Variants in NBEAL2 observed in about 807,000 individuals in gnomAD.
NBEAL2 encodes neurobeachin like 2.
Under a neutral mutation model 299.8 loss-of-function variants are expected in NBEAL2, and 160 were observed. That is an observed-to-expected ratio of 0.53 (90% CI 0.47 to 0.61). The LOEUF (loss-of-function observed/expected upper bound fraction) is 0.61, where lower values mean the gene tolerates loss of function less well. NBEAL2 is among the 20% of genes least tolerant of loss of function. The probability of loss-of-function intolerance (pLI) is 0.00; values close to 1 mark genes in which losing one functional copy is unlikely to be tolerated. For synonymous variants in NBEAL2, 1,493 were observed against 1,542.3 expected (o/e 0.97, Z 0.75); for missense variants, 3,112 against 3,649.0 (o/e 0.85, Z 3.79).
rs900010541 is a variant in NBEAL2 at position 46,988,764 on chromosome 3, C to T, written c.140+7C>T. 1.2e-6 allele frequency: 2 copies of T among 1,612,672 alleles called. No homozygotes were observed. Among genetic ancestry groups the T allele is most frequent in the Non-Finnish European group, 1.7e-6 (2 of 1,178,976 alleles). On this transcript the variant is annotated splice_region_variant and intron_variant, in intron 2 of 53. Transcript: ENST00000450053. The surrounding 1 kb of genome is among the most constrained non-coding windows in gnomAD (Gnocchi z 4.4). ...CCTCTCTGGAGCCACGAAGGTGAGGCTGGATCTGCACTGAGGGCAGGGACA... is the reference window on the plus strand; with the variant it reads ...CCTCTCTGGAGCCACGAAGGTGAGGTTGGATCTGCACTGAGGGCAGGGACA...
At chr3:46,999,740 G>C in intron 26 of NBEAL2, 25 bp downstream of exon 26, 1 of 1,603,880 alleles carries the variant, frequency 6.2e-7, no homozygotes. Flanking sequence ...TAAAAGCTTT[G>C]GGGGAGGGGG....
intron 1 of NBEAL2, among the ~76,000 whole-genome samples, 155 bp downstream of exon 1, chr3:46,980,067 C>T (rs1199873037): frequency 6.6e-6 from 1 of 151,764 alleles, no homozygotes; most frequent in Non-Finnish European, 1.5e-5. Context: ...TCCGCACACA[C>T]GTGTGTGCCC....
chr3:46,992,451 CTG>C, intron 9 of NBEAL2, 22 bp from the exon 10 acceptor site: 1 of 1,592,648 alleles, frequency 6.3e-7, no homozygotes, highest in Non-Finnish European at 8.6e-7. Flanking sequence ...CTCCTCCACC[CTG>C]TGCCTCCCCA....
At chr3:46,993,540 C>T (rs745604218) in intron 10 of NBEAL2, among the ~76,000 whole-genome samples, 3 of 152,198 alleles carry the variant, frequency 2.0e-5, no homozygotes, top group Non-Finnish European at 2.9e-5. Flanking sequence ...ATCTCTGACC[C>T]CTGTCAATCA....
chr3:47,006,686 G>C (rs1455481052), intron 45 of NBEAL2, among the ~76,000 whole-genome samples: 1 of 152,178 alleles, frequency 6.6e-6, no homozygotes, highest in Non-Finnish European at 1.5e-5. Flanking sequence ...TCAGGAGGGA[G>C]ATCTGTCCTT....
rs1177937771 is a variant in NBEAL2, at chr3:46,989,211, G to A, written c.351+45G>A. 1 of 1,613,140 alleles carries A rather than the reference G, an allele frequency of 6.2e-7. No individual in the cohort carries two copies. Among genetic ancestry groups the A allele is most frequent in the African/African-American group, 1.3e-5 (1 of 75,036 alleles). ...GGGGGGCAGAGGGTGTATGCAGGGAGGCAGGCGGTAGCCATGGCGGGGCTA... is the reference window on the plus strand; with the variant it reads ...GGGGGGCAGAGGGTGTATGCAGGGAAGCAGGCGGTAGCCATGGCGGGGCTA... On this transcript the variant is annotated intron_variant, in intron 4 of 53. Coordinates refer to ENST00000450053, the MANE Select transcript of NBEAL2 (RefSeq NM_015175.3). The surrounding 1 kb of genome is among the most constrained non-coding windows in gnomAD (Gnocchi z 5.5).
rs751610136 is a variant in NBEAL2, at chr3:47,001,788, C to T, written c.4744C>T (p.Arg1582Trp). The T allele has an allele frequency of 7.4e-6, 12 of 1,613,792 alleles. No homozygotes were observed. Among genetic ancestry groups the T allele is most frequent in the African/African-American group, 2.7e-5 (2 of 74,946 alleles). The change falls in exon 30 of 54, where the codon CGG becomes TGG. Residue 1582 changes from arginine to tryptophan, a missense_variant. Physicochemically the swap from Arg to Trp is moderately radical, Grantham distance 101. This residue lies in a region of NBEAL2 where 2,243 missense variants were observed against 2,538.1 expected (regional missense o/e 0.88). Coordinates refer to ENST00000450053, the MANE Select transcript of NBEAL2 (RefSeq NM_015175.3). This position sits in a 1 kb window ranked among gnomAD's most constrained non-coding sequence, Gnocchi z 6.1. ...CCGTGAGATGGCGCAGATTGGCCTACGGCTTGTACTTGGCTACATCCTGCT... is the reference window on the plus strand; with the variant it reads ...CCGTGAGATGGCGCAGATTGGCCTATGGCTTGTACTTGGCTACATCCTGCT... Reference protein sequence around the residue: ...DLREMAQIGLRLVLGYILLED... With the variant: ...DLREMAQIGLWLVLGYILLED...
rs1168647132 is a variant in NBEAL2, at chr3:46,989,430, A to T, written c.473+49A>T. 2 of 1,564,938 alleles carry T rather than the reference A, an allele frequency of 1.3e-6. No homozygotes were observed. Among genetic ancestry groups the T allele is most frequent in the Non-Finnish European group, 1.7e-6 (2 of 1,154,856 alleles). On this transcript the variant is annotated intron_variant, in intron 5 of 53. Coordinates refer to ENST00000450053, the MANE Select transcript of NBEAL2 (RefSeq NM_015175.3). This position sits in a 1 kb window ranked among gnomAD's most constrained non-coding sequence, Gnocchi z 5.5. The stretch of plus-strand genomic sequence containing the variant: ...GAACCCAGAGGAGGGTGGGGAGAGG[A>T]TGGCCGCGCTGGGCCCAAGGAGGGG...
At position 47,004,329 on chromosome 3, in the gene NBEAL2, CCT is replaced by C; in HGVS notation, c.6138_6139del (p.Gln2047ArgfsTer25). 1 of 1,610,120 alleles carries C rather than the reference CCT, an allele frequency of 6.2e-7. No homozygotes were observed. On this transcript the variant is annotated frameshift_variant, in exon 37 of 54. Transcript: ENST00000450053. LOFTEE classifies it high-confidence loss of function. The surrounding 1 kb of genome is among the most constrained non-coding windows in gnomAD (Gnocchi z 5.0). ...TCGTGGCTCCTGCGCCTACGGCCCC[CCT>C]CTCAAGGCTACCTAAGCAGCCGCTC...
chr3:46,994,680 G>T (rs2036350621), intron 12 of NBEAL2, 127 bp downstream of exon 12: 1 of 821,012 alleles, frequency 1.2e-6, no homozygotes, highest in African/African-American at 1.7e-5. Flanking sequence ...GTTACCTGTA[G>T]CCTGGCCATG....
In NBEAL2 at chr3:47,004,174, C is replaced by T. The variant is rs1325175326; in HGVS notation, c.5979C>T (p.Ile1993=). Residue 1993 remains isoleucine (I), a synonymous_variant, in exon 37 of 54, where the codon ATC becomes ATT. Coordinates refer to ENST00000450053, the MANE Select transcript of NBEAL2 (RefSeq NM_015175.3). This position sits in a 1 kb window ranked among gnomAD's most constrained non-coding sequence, Gnocchi z 5.0. ...LRRSALELFF[I]DQANYFLNFP... ...GTTCAGCACTTGAGCTCTTCTTTAT[C>T]GATCAGGCCAACTACTTCCTCAACT... The T allele has an allele frequency of 6.2e-6, 10 of 1,613,664 alleles. No homozygotes were observed. The highest frequency in any genetic ancestry group is 2.7e-5 in the African/African-American group (2 of 74,872).
In NBEAL2 at chr3:46,982,440, C is replaced by T. The variant is rs1335517758; in HGVS notation, c.51+2528C>T. Among the ~76,000 whole-genome samples, 1 of 152,248 alleles carries T rather than the reference C, an allele frequency of 6.6e-6. No individual in the cohort carries two copies. Among genetic ancestry groups the T allele is most frequent in the African/African-American group, 2.4e-5 (1 of 41,522 alleles). On this transcript the variant is annotated intron_variant, in intron 1 of 53. Transcript: ENST00000450053. The surrounding 1 kb of genome is among the most constrained non-coding windows in gnomAD (Gnocchi z 4.2). ...AGACCCCAGGTTTAGACCCACCCAC[C>T]CCCTCCCCCTGGGGGCCCGGCTCAA...
chr3:47,007,956 G>A (rs369490668), intron 49 of NBEAL2, 46 bp downstream of exon 49: 152 of 1,589,538 alleles, frequency 9.6e-5, no homozygotes, highest in Non-Finnish European at 1.2e-4. Context: ...GCCCAGACCT[G>A]CAGCCCATCC....
intron 10 of NBEAL2, among the ~76,000 whole-genome samples, chr3:46,993,125 C>G (rs1030063764): frequency 1.3e-5 from 2 of 152,222 alleles, no homozygotes; most frequent in Non-Finnish European, 2.9e-5. Flanking sequence ...ATGAGGTAAC[C>G]CTATGTGTTC....
intron 10 of NBEAL2, among the ~76,000 whole-genome samples, chr3:46,993,474 C>T (rs778089669): frequency 3.3e-5 from 5 of 152,202 alleles, no homozygotes; most frequent in African/African-American, 4.8e-5. Context: ...CAAGGTGGGA[C>T]TTAAAGGTCT....
intron 21 of NBEAL2, 29 bp downstream of exon 21, chr3:46,998,255 G>C: frequency 6.2e-7 from 1 of 1,600,054 alleles, no homozygotes. Context: ...GCAAGGGGCC[G>C]GCCATAGGGC....
At position 46,996,735 on chromosome 3, in the gene NBEAL2, C is replaced by T. The variant is rs1293751867; in HGVS notation, c.2474-16C>T. On this transcript the variant is annotated splice_polypyrimidine_tract_variant and intron_variant, in intron 16 of 53. Transcript: ENST00000450053. Reference sequence around the variant, plus strand: ...AGAGGCCTAGCAAGGTCTGAAGCCCCCTGCCCACCTCCCAGGGCCCAATGA... The same window carrying T: ...AGAGGCCTAGCAAGGTCTGAAGCCCTCTGCCCACCTCCCAGGGCCCAATGA... 1.2e-6 allele frequency: 2 copies of T among 1,609,920 alleles called. No individual in the cohort carries two copies. Among genetic ancestry groups the T allele is most frequent in the African/African-American group, 1.3e-5 (1 of 74,978 alleles).
At position 47,001,562 on chromosome 3, in the gene NBEAL2, G is replaced by C; in HGVS notation, c.4644+124G>C. 1.9e-6 allele frequency: 3 copies of C among 1,558,024 alleles called. No homozygotes were observed. The highest frequency in any genetic ancestry group is 2.6e-6 in the Non-Finnish European group (3 of 1,148,740). The stretch of plus-strand genomic sequence containing the variant: ...TGTGGGTGCATCAGCATGAATGCCT[G>C]TGAGTGTGGACTTGCCTGTGTGCAC... On this transcript the variant is annotated intron_variant, in intron 29 of 53. Coordinates refer to ENST00000450053, the MANE Select transcript of NBEAL2 (RefSeq NM_015175.3). This position sits in a 1 kb window ranked among gnomAD's most constrained non-coding sequence, Gnocchi z 6.1.
intron 1 of NBEAL2, among the ~76,000 whole-genome samples, chr3:46,984,656 G>A (rs4683279): frequency 0.94 from 143,685 of 152,240 alleles, 68,398 homozygotes; most frequent in East Asian, 1. Flanking sequence ...ACACCACCCT[G>A]TCCCACTTCT....
Sources: gnomAD v4.1 joint callset for allele counts (sites outside exome capture counted in the v4.1 genomes callset) on GRCh38, gnomAD v4.1.1 for gene constraint, gnomAD v4.1.1 regional missense constraint, Gnocchi (gnomAD v3.1) non-coding constraint, MANE v1.5 for transcripts, NCBI Gene and HGNC (gene_info 2026-07-23, HGNC 2026-07-21) for gene names.